Variants in REC114 observed in about 807,000 individuals in gnomAD.
REC114 encodes REC114 meiotic recombination protein, also known as meiotic recombination protein REC114.
REC114 carries 27 observed loss-of-function variants against 31.3 expected under a neutral mutation model. That is an observed-to-expected ratio of 0.86 (90% confidence interval 0.64 to 1.19). The LOEUF (loss-of-function observed/expected upper bound fraction) is 1.19, where lower values mean the gene tolerates loss of function less well. Among genes scored for constraint, REC114 ranks in the 50% most tolerant of loss-of-function variants. The probability of loss-of-function intolerance (pLI) is 0.00; values close to 1 mark genes in which losing one functional copy is unlikely to be tolerated. For synonymous variants in REC114, 134 were observed against 127.7 expected (o/e 1.05, Z -0.33); for missense variants, 344 against 326.9 (o/e 1.05, Z -0.40).
At chr15:73,511,330 CTCTT>C (rs1893764604) in intron 2 of REC114, among the ~76,000 whole-genome samples, 1 of 151,230 alleles carries the variant, frequency 6.6e-6, no homozygotes, top group Admixed American at 6.6e-5. Flanking sequence ...TGATTCTTCT[CTCTT>C]TTTTTCTTTA....
intron 2 of REC114, among the ~76,000 whole-genome samples, chr15:73,492,167 C>G (rs1893456319): frequency 6.6e-6 from 1 of 152,152 alleles, no homozygotes; most frequent in African/African-American, 2.4e-5. Flanking sequence ...CTTCCAGTGA[C>G]TACTACACAC....
rs60241454 is a variant in REC114, at chr15:73,447,648, A to AAAATAAATAAAT, written c.159+4334_159+4345dup. On this transcript the variant is annotated intron_variant, in intron 1 of 5. Coordinates refer to ENST00000331090, the MANE Select transcript of REC114 (RefSeq NM_001042367.2). The stretch of plus-strand genomic sequence containing the variant: ...GGGCAACAGAGTGAGACTCTGTCTC[A>AAAATAAATAAAT]AAATAAATAAATAAATAAATAAATA... Among the ~76,000 whole-genome samples the AAAATAAATAAAT allele has an allele frequency of 3.3e-3, 469 of 143,398 alleles. 1 individual carries two copies. Among genetic ancestry groups the AAAATAAATAAAT allele is most frequent in the East Asian group, 5.2e-3 (25 of 4,826 alleles). 94.1% of individuals were successfully genotyped at this position (143,398 alleles called of 152,430 possible).
At chr15:73,449,013 G>A (rs892180262) in intron 1 of REC114, among the ~76,000 whole-genome samples, 2 of 152,174 alleles carry the variant, frequency 1.3e-5, no homozygotes, top group African/African-American at 4.8e-5. Context: ...AAAGACCGAA[G>A]ATAGATAAAT....
At chr15:73,458,893 T>G (rs1892952763) in intron 1 of REC114, among the ~76,000 whole-genome samples, 2 of 152,320 alleles carry the variant, frequency 1.3e-5, no homozygotes, top group South Asian at 4.1e-4. Flanking sequence ...AGGGTTCTAT[T>G]ACCCCATAAG....
In REC114 at chr15:73,469,679, TC is replaced by T. The variant is rs1202363796; in HGVS notation, c.160-4152del. 2.1e-5 allele frequency among the ~76,000 whole-genome samples: 3 copies of T among 142,188 alleles called. No homozygotes were observed. In the South Asian group the frequency reaches 6.9e-4, roughly 33 times the overall value. 93.3% of individuals were successfully genotyped at this position (142,188 alleles called of 152,430 possible). A position where few individuals can be genotyped will look rare whatever the true frequency, so the allele number is the denominator to read the frequency against. On this transcript the variant is annotated intron_variant, in intron 1 of 5. Coordinates refer to ENST00000331090, the MANE Select transcript of REC114 (RefSeq NM_001042367.2). ...TCCTGGCCTTAGGCAAGCCTTAGAC[TC>T]TTTTTTTTTTTTTTTTTTTTTTAAG... is the stretch of plus-strand genomic sequence containing the variant.
chr15:73,546,719 C>T (rs1262050951), intron 3 of REC114, among the ~76,000 whole-genome samples: 1 of 150,182 alleles, frequency 6.7e-6, no homozygotes, highest in Non-Finnish European at 1.5e-5. Flanking sequence ...ATTGCTGAGG[C>T]AGGAGAATCG....
chr15:73,526,379 T>G (rs564524285), intron 2 of REC114, among the ~76,000 whole-genome samples: 1 of 152,324 alleles, frequency 6.6e-6, no homozygotes, highest in East Asian at 1.9e-4. Flanking sequence ...TTTTTGTTTG[T>G]TTCTTTTTCC....
intron 1 of REC114, among the ~76,000 whole-genome samples, chr15:73,463,235 G>C (rs1048188234): frequency 6.6e-6 from 1 of 151,866 alleles, no homozygotes; most frequent in African/African-American, 2.4e-5. Context: ...TCTTCCTTGC[G>C]GTTTAAGAAA....
intron 3 of REC114, among the ~76,000 whole-genome samples, chr15:73,543,942 CTT>C (rs34215297): frequency 8.1e-5 from 6 of 74,096 alleles, no homozygotes; most frequent in African/African-American, 2.6e-4. Context: ...TGTTAACTGG[CTT>C]TTTTTTTTTT....
At chr15:73,458,961 C>T (rs890881236) in intron 1 of REC114, among the ~76,000 whole-genome samples, 2 of 152,224 alleles carry the variant, frequency 1.3e-5, no homozygotes, top group African/African-American at 2.4e-5. Flanking sequence ...CTCTTCTGAT[C>T]TAGAGACTGC....
At chr15:73,502,874 A>G (rs141761263) in intron 2 of REC114, among the ~76,000 whole-genome samples, 2 of 152,330 alleles carry the variant, frequency 1.3e-5, no homozygotes, top group East Asian at 1.9e-4. Context: ...GTAGGCTATT[A>G]TTTGCATAAA....
chr15:73,519,449 A>G (rs893499148), intron 2 of REC114, among the ~76,000 whole-genome samples: 1 of 152,234 alleles, frequency 6.6e-6, no homozygotes, highest in Non-Finnish European at 1.5e-5. Context: ...AGTGTATGAC[A>G]CTTTTATTAT....
At chr15:73,556,699 GA>G (rs562900924) in intron 5 of REC114, among the ~76,000 whole-genome samples, 1 of 152,114 alleles carries the variant, frequency 6.6e-6, no homozygotes, top group Non-Finnish European at 1.5e-5. Flanking sequence ...TCCCAAAAAA[GA>G]ATAAATGGAG....
At chr15:73,475,933 T>C (rs1032121053) in intron 2 of REC114, among the ~76,000 whole-genome samples, 2 of 152,206 alleles carry the variant, frequency 1.3e-5, no homozygotes, top group Non-Finnish European at 2.9e-5. Context: ...TACTGTACCT[T>C]CTCTATGCTT....
rs1008977598 is a variant in REC114 at position 73,452,278 on chromosome 15, C to A, written c.159+8934C>A. ...ATCTCCTTAAGCTGATAAGCAACTT[C>A]AGCAAAGTCTCAGGATATAAAATCA... On this transcript the variant is annotated intron_variant, in intron 1 of 5. Coordinates refer to ENST00000331090, the MANE Select transcript of REC114 (RefSeq NM_001042367.2). Among the ~76,000 whole-genome samples, 10 of 152,344 alleles carry A rather than the reference C, an allele frequency of 6.6e-5. 1 individual carries two copies. In the South Asian group the frequency reaches 1.7e-3, roughly 25 times the overall value.
intron 4 of REC114, 101 bp downstream of exon 4, chr15:73,551,251 A>C (rs1894388858): frequency 8.5e-7 from 1 of 1,181,548 alleles, no homozygotes. Context: ...TTAGGTTTGT[A>C]GTTTAAAAAA....
chr15:73,473,916 C>A lies in REC114; in HGVS notation c.244C>A (p.Leu82Ile), dbSNP rs373897163. The A allele has an allele frequency of 3.8e-6, 6 of 1,564,920 alleles. No homozygotes were observed. The Admixed American group carries it at 1.1e-4, about 28-fold the overall frequency. ...GHFFIFQGQT[L>I]LEGFSLIGSK... ...TTTCTTCATTTTCCAAGGACAGACA[C>A]TACTGGTAGGTTTTATGCATAACAG... Residue 82 changes from leucine to isoleucine, a missense_variant, in exon 2 of 6, where the codon CTA (leucine) becomes ATA (isoleucine). By Grantham distance (5) the Leu-to-Ile change is conservative. Coordinates refer to ENST00000331090, the MANE Select transcript of REC114 (RefSeq NM_001042367.2).
chr15:73,559,926 T>G lies in REC114; in HGVS notation c.*10T>G, dbSNP rs201899711. On this transcript the variant is annotated 3_prime_UTR_variant, in exon 6 of 6. Transcript: ENST00000331090. ...GGGTTTGAGAAATTAATGCTCTATA[T>G]ACATATATAACTAAGGAACTTCAAA... 1,167 of 1,587,730 alleles carry G rather than the reference T, an allele frequency of 7.4e-4. 1 individual carries two copies. The highest frequency in any genetic ancestry group is 9.3e-4 in the Non-Finnish European group (1,095 of 1,172,102).
At chr15:73,504,375 T>G (rs1438038724) in intron 2 of REC114, among the ~76,000 whole-genome samples, 1 of 152,152 alleles carries the variant, frequency 6.6e-6, no homozygotes, top group Admixed American at 6.5e-5. Flanking sequence ...TGTATAGGAA[T>G]TCAATATTTT....
Sources: allele counts gnomAD v4.1 joint callset (sites outside exome capture counted in the v4.1 genomes callset), GRCh38; gene constraint gnomAD v4.1.1; transcripts MANE v1.5; gene names NCBI Gene and HGNC (gene_info 2026-07-23, HGNC 2026-07-21).